The following CFAP206 variants were observed in gnomAD, a reference collection of about 807,000 sequenced individuals.
CFAP206 encodes cilia and flagella associated protein 206.
A neutral mutation model predicts 65.4 loss-of-function variants in CFAP206; 53 were observed. The observed-to-expected ratio is 0.81, with a 90% CI of 0.65 to 1.02. The LOEUF (loss-of-function observed/expected upper bound fraction) is 1.02, where lower values mean the gene tolerates loss of function less well. Among genes scored for constraint, CFAP206 ranks in the 50% least tolerant of loss-of-function variants. The pLI is 0.00. For missense variants in CFAP206, 663 were observed against 753.2 expected, an observed-to-expected ratio of 0.88 and a Z score of 1.40; for synonymous variants, 250 against 254.4, an observed-to-expected ratio of 0.98 and a Z score of 0.17.
intron 12 of CFAP206, among the ~76,000 whole-genome samples, chr6:87,463,337 C>T (rs1256721432): frequency 6.6e-6 from 1 of 152,196 alleles, no homozygotes; most frequent in African/African-American, 2.4e-5. Context: ...TTTCGGTTCT[C>T]AGTCACCTGC....
At chr6:87,459,201 A>T (rs1203372780) in intron 11 of CFAP206, among the ~76,000 whole-genome samples, 1 of 152,162 alleles carries the variant, frequency 6.6e-6, no homozygotes, top group Non-Finnish European at 1.5e-5. Flanking sequence ...GAAAATTTTA[A>T]TAATTTTTCT....
intron 11 of CFAP206, among the ~76,000 whole-genome samples, chr6:87,443,445 ATTTT>A (rs1768388009): frequency 6.6e-6 from 1 of 151,416 alleles, no homozygotes; most frequent in Non-Finnish European, 1.5e-5. Flanking sequence ...TTCATTTTAT[ATTTT>A]CTTTTCTGAT....
At chr6:87,431,677 A>T (rs768643006) in intron 10 of CFAP206, among the ~76,000 whole-genome samples, 6 of 152,184 alleles carry the variant, frequency 3.9e-5, no homozygotes, top group Non-Finnish European at 7.3e-5. Flanking sequence ...GAGGCAGGAG[A>T]ATCACTTGAA....
intron 11 of CFAP206, among the ~76,000 whole-genome samples, chr6:87,453,297 A>T (rs1169457479): frequency 6.6e-6 from 1 of 152,186 alleles, no homozygotes; most frequent in East Asian, 1.9e-4. Context: ...AAGCTGAGGG[A>T]TTTCATCACC....
chr6:87,436,206 T>C, intron 11 of CFAP206: 1 of 151,684 alleles, frequency 6.6e-6, no homozygotes, highest in Non-Finnish European at 1.5e-5. Context: ...CTGTCTCAAC[T>C]TTCTGAGTAG....
At chr6:87,408,169 T>A in intron 1 of CFAP206, 80 bp downstream of exon 1, 1 of 740,362 alleles carries the variant, frequency 1.4e-6, no homozygotes, top group Non-Finnish European at 1.6e-6. Flanking sequence ...CTGGCGGAGC[T>A]CGGGCGGCTG....
At chr6:87,435,804 C>T (rs1279205157) in intron 11 of CFAP206, 1 of 152,274 alleles carries the variant, frequency 6.6e-6, no homozygotes, top group South Asian at 2.1e-4. Context: ...GGACTACAGG[C>T]AGGTGCCACC....
chr6:87,422,618 G>A (rs1435212328), intron 7 of CFAP206, among the ~76,000 whole-genome samples: 1 of 151,846 alleles, frequency 6.6e-6, no homozygotes, highest in African/African-American at 2.4e-5. Context: ...CGGTGCAGTG[G>A]CAGGCACCTG....
rs752332482 is a variant in CFAP206 at position 87,409,821 on chromosome 6, G to A, written c.-5-14G>A. 3 of 1,548,274 alleles carry A rather than the reference G, an allele frequency of 1.9e-6. No homozygotes were observed. The highest frequency in any genetic ancestry group is 1.4e-5 in the African/African-American group (1 of 72,216). Reference sequence around the variant, plus strand: ...AACCACGGTTTTTTTAAAAAAAATTGTTGTTTTATTTAGCCAGAATGCCTC... The same window carrying A: ...AACCACGGTTTTTTTAAAAAAAATTATTGTTTTATTTAGCCAGAATGCCTC... On this transcript the variant is annotated splice_polypyrimidine_tract_variant and intron_variant, in intron 1 of 12. Coordinates refer to ENST00000369562, the MANE Select transcript of CFAP206 (RefSeq NM_001031743.3).
chr6:87,413,017 A>G (rs182483954), intron 3 of CFAP206, among the ~76,000 whole-genome samples: 37 of 151,864 alleles, frequency 2.4e-4, no homozygotes, highest in African/African-American at 9.0e-4. Context: ...ATAAATAGTA[A>G]TGAGGAACTC....
chr6:87,439,309 A>C (rs1289731602), intron 11 of CFAP206, among the ~76,000 whole-genome samples: 1 of 152,108 alleles, frequency 6.6e-6, no homozygotes, highest in Non-Finnish European at 1.5e-5. Flanking sequence ...ACCTATTTCT[A>C]AAATAGTAGT....
intron 11 of CFAP206, 198 bp downstream of exon 11, chr6:87,435,251 C>A: frequency 2.5e-6 from 1 of 407,220 alleles, no homozygotes; most frequent in Non-Finnish European, 4.5e-6. Context: ...GATATGGAGT[C>A]AAATTGATGA....
chr6:87,425,031 A>G (rs147162271), intron 7 of CFAP206, among the ~76,000 whole-genome samples: 65 of 152,322 alleles, frequency 4.3e-4, no homozygotes, highest in African/African-American at 1.5e-3. Context: ...CCTGTCATCA[A>G]CTTTTAAAAC....
At chr6:87,444,116 A>G (rs1768400618) in intron 11 of CFAP206, among the ~76,000 whole-genome samples, 1 of 152,198 alleles carries the variant, frequency 6.6e-6, no homozygotes, top group Non-Finnish European at 1.5e-5. Context: ...AAAAGAATCA[A>G]GAGACTTTTA....
intron 11 of CFAP206, among the ~76,000 whole-genome samples, chr6:87,451,656 A>T (rs566138001): frequency 7.1e-6 from 1 of 141,258 alleles, no homozygotes; most frequent in South Asian, 2.2e-4. Flanking sequence ...GGATAGTAAA[A>T]ACGGCTTTAT....
chr6:87,433,139 C>T lies in CFAP206; in HGVS notation c.1301-1721C>T, dbSNP rs549240816. ...TGGAAAAACTCTGCCTCCCAGGTTG[C>T]TAATCGCCTTGCTGCCTCATTTTAT... On this transcript the variant is annotated intron_variant, in intron 10 of 12. Transcript: ENST00000369562. Among the ~76,000 whole-genome samples the T allele has an allele frequency of 3.4e-3, 520 of 152,344 alleles. 7 individuals are homozygous for T. Among genetic ancestry groups the T allele is most frequent in the African/African-American group, 0.012 (498 of 41,568 alleles).
intron 11 of CFAP206, among the ~76,000 whole-genome samples, chr6:87,456,636 A>T (rs1768647296): frequency 6.6e-6 from 1 of 152,214 alleles, no homozygotes; most frequent in Non-Finnish European, 1.5e-5. Flanking sequence ...CCACCAAAAA[A>T]CTAATACAAC....
At chr6:87,409,983 A>G in intron 2 of CFAP206, 36 bp downstream of exon 2, 2 of 1,436,920 alleles carry the variant, frequency 1.4e-6, no homozygotes, top group Non-Finnish European at 1.9e-6. Context: ...CTGTTTTATT[A>G]AGAGGTTTTT....
chr6:87,431,155 G>T lies in CFAP206; in HGVS notation c.1282G>T (p.Asp428Tyr), dbSNP rs1019844022. The stretch of plus-strand genomic sequence containing the variant: ...TTGTGCTTACACGTTTGCTGCAACA[G>T]ATGGTCTTCTCCTTCCAGGTATATC... The part of the protein sequence containing the change: ...GFCAYTFAAT[D>Y]GLLLPGNPAI... The change falls in exon 10 of 13, where the codon GAT becomes TAT. Residue 428 changes from aspartate (D) to tyrosine (Y), a missense_variant. Coordinates refer to ENST00000369562, the MANE Select transcript of CFAP206 (RefSeq NM_001031743.3). 8 of 1,613,890 alleles carry T rather than the reference G, an allele frequency of 5.0e-6. No individual in the cohort carries two copies. The highest frequency in any genetic ancestry group is 6.8e-6 in the Non-Finnish European group (8 of 1,179,922).
Sources: gnomAD v4.1 joint callset for allele counts (sites outside exome capture counted in the v4.1 genomes callset) on GRCh38, gnomAD v4.1.1 for gene constraint, MANE v1.5 for transcripts, NCBI Gene and HGNC (gene_info 2026-07-23, HGNC 2026-07-21) for gene names.